Variants in PARN observed in about 807,000 individuals in gnomAD.
PARN encodes the protein poly(A)-specific ribonuclease PARN.
PARN carries 71 observed loss-of-function variants against 102.8 expected under a neutral mutation model. The observed-to-expected ratio is 0.69, with a 90% CI of 0.57 to 0.84. The LOEUF (loss-of-function observed/expected upper bound fraction) is 0.84. Ranked by LOEUF, PARN falls within the 40% of genes least tolerant of loss-of-function variation. The pLI is 0.00. For synonymous variants in PARN, 261 were observed against 252.9 expected, an observed-to-expected ratio of 1.03 and a Z score of -0.30; for missense variants, 782 against 760.9, an observed-to-expected ratio of 1.03 and a Z score of -0.33.
chr16:14,593,283 G>A lies in PARN; in HGVS notation c.918+18C>T, dbSNP rs751944132. The A allele has an allele frequency of 2.4e-5, 33 of 1,391,236 alleles. No individual in the cohort carries two copies. The highest frequency in any genetic ancestry group is 3.0e-5 in the Non-Finnish European group (29 of 978,170). 86.2% of individuals were successfully genotyped at this position (1,391,236 alleles called of 1,614,324 possible). A position where few individuals can be genotyped will look rare whatever the true frequency, so the allele number is the denominator to read the frequency against. On this transcript the variant is annotated intron_variant, in intron 13 of 23. Coordinates refer to ENST00000437198, the MANE Select transcript of PARN (RefSeq NM_002582.4). ...AAGAATCCTGCTAATATTAAACACA[G>A]ACCAACAGGTCACTTACCGCAGGCA...
intron 21 of PARN, among the ~76,000 whole-genome samples, chr16:14,518,277 G>GT (rs1405050596): frequency 1.1e-5 from 1 of 94,430 alleles, no homozygotes; most frequent in African/African-American, 4.1e-5. Flanking sequence ...AGGCAACAGA[G>GT]TAAGACCCTG....
chr16:14,629,752 G>A, intron 1 of PARN, 78 bp from the exon 2 acceptor site: 3 of 1,071,772 alleles, frequency 2.8e-6, no homozygotes, highest in South Asian at 1.3e-5. Flanking sequence ...GGGCCGAGGA[G>A]CTCCCGAGGC....
chr16:14,552,235 C>T (rs1967351763), intron 20 of PARN, 140 bp from the exon 21 acceptor site: 1 of 601,170 alleles, frequency 1.7e-6, no homozygotes, highest in Non-Finnish European at 2.9e-6. Flanking sequence ...ATCAAAATCT[C>T]AGCCCTACAG....
intron 22 of PARN, among the ~76,000 whole-genome samples, chr16:14,464,029 G>A (rs1321297393): frequency 6.6e-6 from 1 of 152,084 alleles, no homozygotes; most frequent in Admixed American, 6.5e-5. Flanking sequence ...TTTTTGAAGA[G>A]ACAGGGTTTT....
At chr16:14,536,425 G>A (rs1966608353) in intron 21 of PARN, among the ~76,000 whole-genome samples, 2 of 152,148 alleles carry the variant, frequency 1.3e-5, no homozygotes, top group Admixed American at 6.5e-5. Flanking sequence ...CTCAGTGGCC[G>A]AAGAGCAAAC....
intron 21 of PARN, among the ~76,000 whole-genome samples, chr16:14,518,632 TAAGAAAAACAATGG>T (rs1965584572): frequency 6.6e-6 from 1 of 152,190 alleles, no homozygotes; most frequent in South Asian, 2.1e-4. Flanking sequence ...GTTTTTATGT[TAAGAAAAACAATGG>T]AAGGATGAAG....
chr16:14,630,180 T>G lies in PARN; in HGVS notation c.-55A>C. Reference sequence around the variant, plus strand: ...CCCGGGCCCGCGCCCGCCTCAGCGGTTCTACTCGCCGAATTCCGCGGCGAC... The same window carrying G: ...CCCGGGCCCGCGCCCGCCTCAGCGGGTCTACTCGCCGAATTCCGCGGCGAC... On this transcript the variant is annotated 5_prime_UTR_variant, in exon 1 of 24. Transcript: ENST00000437198. The G allele has an allele frequency of 6.7e-7, 1 of 1,502,582 alleles. No homozygotes were observed. Among genetic ancestry groups the G allele is most frequent in the Non-Finnish European group, 9.0e-7 (1 of 1,108,218 alleles). 93.1% of individuals were successfully genotyped at this position (1,502,582 alleles called of 1,614,324 possible).
At chr16:14,496,978 T>C (rs1483625819) in intron 21 of PARN, among the ~76,000 whole-genome samples, 2 of 152,214 alleles carry the variant, frequency 1.3e-5, no homozygotes, top group East Asian at 1.9e-4. Context: ...GTCACCGTGC[T>C]GGACTGCCGT....
intron 19 of PARN, 146 bp downstream of exon 19, chr16:14,555,508 C>T (rs1179714223): frequency 2.3e-6 from 1 of 432,556 alleles, no homozygotes; most frequent in East Asian, 3.5e-5. Context: ...GTCCCATTAA[C>T]TTAAGCATAC....
At chr16:14,627,429 A>G (rs1972745586) in intron 3 of PARN, 93 bp from the exon 4 acceptor site, 2 of 802,260 alleles carry the variant, frequency 2.5e-6, no homozygotes, top group East Asian at 2.7e-5. Flanking sequence ...TGAATTACTC[A>G]ATGAGACTTC....
intron 21 of PARN, among the ~76,000 whole-genome samples, chr16:14,527,764 T>C (rs951581822): frequency 6.6e-6 from 1 of 152,178 alleles, no homozygotes; most frequent in Non-Finnish European, 1.5e-5. Context: ...TCAGGAACAC[T>C]GGGTATCCCT....
intron 21 of PARN, among the ~76,000 whole-genome samples, chr16:14,535,140 A>C (rs1966557480): frequency 6.6e-6 from 1 of 152,108 alleles, no homozygotes. Flanking sequence ...TGGCTAAATA[A>C]CTATTTTAAG....
chr16:14,548,599 G>A (rs542866344), intron 21 of PARN, among the ~76,000 whole-genome samples: 2 of 152,214 alleles, frequency 1.3e-5, no homozygotes, highest in East Asian at 1.9e-4. Flanking sequence ...AATATAATAA[G>A]GTATACAAGA....
intron 23 of PARN, among the ~76,000 whole-genome samples, chr16:14,437,991 C>T (rs904383476): frequency 6.6e-6 from 1 of 152,066 alleles, no homozygotes; most frequent in Admixed American, 6.6e-5. Context: ...GTGAGGAGAC[C>T]GGGAAAGGGT....
chr16:14,439,170 G>C (rs1960838311), intron 23 of PARN, among the ~76,000 whole-genome samples: 1 of 151,930 alleles, frequency 6.6e-6, no homozygotes, highest in African/African-American at 2.4e-5. Context: ...CCAGGAGTTT[G>C]GGACCAGCCT....
chr16:14,555,758 C>A, intron 18 of PARN, 49 bp from the exon 19 acceptor site: 1 of 957,642 alleles, frequency 1.0e-6, no homozygotes, highest in Non-Finnish European at 1.5e-6. Context: ...CTTTAAAAGA[C>A]AGGCATTTTG....
intron 5 of PARN, among the ~76,000 whole-genome samples, chr16:14,621,896 A>G (rs1378975988): frequency 6.6e-6 from 1 of 152,078 alleles, no homozygotes; most frequent in Non-Finnish European, 1.5e-5. Context: ...AACATGTTCA[A>G]GATTGAAGAG....
chr16:14,608,467 G>C (rs1971327051), intron 8 of PARN, 148 bp from the exon 9 acceptor site: 2 of 595,424 alleles, frequency 3.4e-6, no homozygotes, highest in Admixed American at 6.6e-5. Flanking sequence ...CAGGTTTTTT[G>C]AGGTGGGGGG....
intron 21 of PARN, among the ~76,000 whole-genome samples, chr16:14,509,355 G>A (rs370964543): frequency 2.0e-5 from 3 of 152,206 alleles, no homozygotes; most frequent in East Asian, 1.9e-4. Context: ...GCGCACTTAG[G>A]AGCTACTGAG....
Sources: gnomAD v4.1 joint callset for allele counts (sites outside exome capture counted in the v4.1 genomes callset) on GRCh38, gnomAD v4.1.1 for gene constraint, MANE v1.5 for transcripts, NCBI Gene and HGNC (gene_info 2026-07-23, HGNC 2026-07-21) for gene names.